The following KCNH5 variants were observed in gnomAD, a reference collection of about 807,000 sequenced individuals.
KCNH5 encodes the protein voltage-gated delayed rectifier potassium channel KCNH5.
In KCNH5, 46 loss-of-function variants were observed where a neutral mutation model predicts 96.1. The observed-to-expected ratio is 0.48, with a 90% CI of 0.38 to 0.61. The LOEUF is 0.61. Ranked by LOEUF, KCNH5 falls within the 20% of genes least tolerant of loss-of-function variation. The pLI is 0.00. For missense variants in KCNH5, 907 were observed against 1,225.8 expected (o/e 0.74, Z 3.88); for synonymous variants, 439 against 449.8 (o/e 0.98, Z 0.30).
intron 10 of KCNH5, among the ~76,000 whole-genome samples, chr14:62,777,840 T>G (rs918118519): frequency 7.4e-5 from 10 of 135,782 alleles, no homozygotes; most frequent in Non-Finnish European, 1.5e-4. Flanking sequence ...AACCAATGAA[T>G]GCATGTGTGT....
chr14:62,993,131 T>C (rs1334375020), intron 4 of KCNH5, among the ~76,000 whole-genome samples: 2 of 152,080 alleles, frequency 1.3e-5, no homozygotes, highest in African/African-American at 4.8e-5. Flanking sequence ...TGTAAATATG[T>C]GGCTTTATTT....
chr14:62,701,926 C>G lies in KCNH5; in HGVS notation c.*5582G>C, dbSNP rs868292239. On this transcript the variant is annotated 3_prime_UTR_variant, in exon 11 of 11. Transcript: ENST00000322893. ...ATTTAATAGTGGTTTGGCCAAGAAGCCAACATCAGTGCAATCAATAAAAAT... is the reference window on the plus strand; with the variant it reads ...ATTTAATAGTGGTTTGGCCAAGAAGGCAACATCAGTGCAATCAATAAAAAT... The G allele has an allele frequency of 2.0e-5, 3 of 151,964 alleles. No individual in the cohort carries two copies. The Middle Eastern group carries it at 0.01, about 520-fold the overall frequency. 9.4% of individuals were successfully genotyped at this position (151,964 alleles called of 1,614,324 possible). A position where few individuals can be genotyped will look rare whatever the true frequency, so the allele number is the denominator to read the frequency against.
chr14:62,771,199 G>A (rs377027174), intron 10 of KCNH5, among the ~76,000 whole-genome samples: 3 of 152,226 alleles, frequency 2.0e-5, no homozygotes, highest in South Asian at 2.1e-4. Flanking sequence ...ATAAATTTCC[G>A]TTGTTGAAAC....
intron 6 of KCNH5, among the ~76,000 whole-genome samples, chr14:62,975,656 G>A (rs559278508): frequency 6.6e-6 from 1 of 152,072 alleles, no homozygotes; most frequent in Admixed American, 6.5e-5. Flanking sequence ...AAATGTAAGA[G>A]TAATCGATTA....
At chr14:63,043,247 A>G (rs765175544) in intron 1 of KCNH5, among the ~76,000 whole-genome samples, 1 of 152,172 alleles carries the variant, frequency 6.6e-6, no homozygotes, top group Non-Finnish European at 1.5e-5. Context: ...AATAAAGTTT[A>G]GTCAAGGGAT....
intron 8 of KCNH5, among the ~76,000 whole-genome samples, chr14:62,812,518 C>T (rs1437674881): frequency 1.3e-5 from 2 of 152,024 alleles, no homozygotes; most frequent in African/African-American, 2.4e-5. Flanking sequence ...TGTTACTTTC[C>T]TTGGGTCCCT....
At chr14:63,034,425 G>A (rs1316602931) in intron 1 of KCNH5, among the ~76,000 whole-genome samples, 1 of 152,136 alleles carries the variant, frequency 6.6e-6, no homozygotes, top group Non-Finnish European at 1.5e-5. Context: ...CCATTTCTAT[G>A]TCAATGACAG....
In KCNH5 at chr14:62,899,501, T is replaced by A. The variant is rs11852195; in HGVS notation, c.1370-49649A>T. On this transcript the variant is annotated intron_variant, in intron 7 of 10. Transcript: ENST00000322893. ...TCATTCCATAATGTATACACTTCTA[T>A]CAAAACATGACTTTTTACCCCATAA... Among the ~76,000 whole-genome samples the A allele has an allele frequency of 7.6e-3, 1,160 of 152,188 alleles. 9 individuals are homozygous for A. The highest frequency in any genetic ancestry group is 0.027 in the African/African-American group (1,120 of 41,506).
chr14:62,972,770 A>G (rs915776840), intron 6 of KCNH5, among the ~76,000 whole-genome samples: 1 of 152,224 alleles, frequency 6.6e-6, no homozygotes, highest in African/African-American at 2.4e-5. Context: ...AAAGCTACAA[A>G]CTATCTGATT....
chr14:62,764,152 C>A (rs940163707), intron 10 of KCNH5, among the ~76,000 whole-genome samples: 1 of 152,150 alleles, frequency 6.6e-6, no homozygotes, highest in Admixed American at 6.5e-5. Context: ...CCAAAACCAG[C>A]AGCACATCAA....
chr14:62,946,294 C>G (rs1001415166), intron 7 of KCNH5, among the ~76,000 whole-genome samples: 2 of 152,062 alleles, frequency 1.3e-5, no homozygotes, highest in East Asian at 3.9e-4. Flanking sequence ...TTTGACTCTA[C>G]ATAGATTTTA....
chr14:62,895,932 T>C (rs1888804152), intron 7 of KCNH5, among the ~76,000 whole-genome samples: 1 of 152,158 alleles, frequency 6.6e-6, no homozygotes, highest in Non-Finnish European at 1.5e-5. Context: ...TTCATTTAGG[T>C]AAAAATTTAA....
intron 7 of KCNH5, among the ~76,000 whole-genome samples, chr14:62,922,985 A>G (rs1418522892): frequency 1.3e-5 from 2 of 152,050 alleles, no homozygotes; most frequent in East Asian, 3.9e-4. Context: ...GAAAGGAAAC[A>G]GTAAAAGTGT....
At position 62,740,004 on chromosome 14, in the gene KCNH5, G is replaced by C. The variant is rs543792706; in HGVS notation, c.2020-31549C>G. On this transcript the variant is annotated intron_variant, in intron 10 of 10. Transcript: ENST00000322893. ...TTAACATCTGAAGCAGCACTGTTAA[G>C]AATCTTTCCTCTCGACAGACAAACA... 5.3e-5 allele frequency among the ~76,000 whole-genome samples: 8 copies of C among 152,236 alleles called. No homozygotes were observed. The South Asian group carries it at 1.4e-3, about 28-fold the overall frequency.
At chr14:62,892,222 T>C (rs6573464) in intron 7 of KCNH5, among the ~76,000 whole-genome samples, 113,293 of 152,218 alleles carry the variant, frequency 0.74, 43,595 homozygotes, top group East Asian at 1. Context: ...TCTAAACACA[T>C]AAATAATGCG....
In KCNH5 at chr14:63,024,134, G is replaced by A. The variant is rs553054185; in HGVS notation, c.74-7180C>T. ...TGCGGCAGGAGAATCACTTGAACCC[G>A]GGAGGTAGAAGTTGCAGTGAACCGA... On this transcript the variant is annotated intron_variant, in intron 1 of 10. Transcript: ENST00000322893. Among the ~76,000 whole-genome samples, 13 of 151,946 alleles carry A rather than the reference G, an allele frequency of 8.6e-5. No homozygotes were observed. In the South Asian group the frequency reaches 1.9e-3, roughly 22 times the overall value.
intron 6 of KCNH5, among the ~76,000 whole-genome samples, chr14:62,973,059 C>A (rs1890438474): frequency 1.3e-5 from 2 of 152,110 alleles, no homozygotes; most frequent in South Asian, 2.1e-4. Flanking sequence ...ACAGATGTAC[C>A]ACTCTGGTGT....
At chr14:62,831,381 G>T (rs1043501202) in intron 8 of KCNH5, among the ~76,000 whole-genome samples, 10 of 152,164 alleles carry the variant, frequency 6.6e-5, no homozygotes, top group African/African-American at 2.4e-4. Context: ...TAAATTTAGA[G>T]AAAAGATTTC....
intron 8 of KCNH5, among the ~76,000 whole-genome samples, chr14:62,809,535 AT>A (rs1886832936): frequency 6.6e-6 from 1 of 152,096 alleles, no homozygotes; most frequent in Non-Finnish European, 1.5e-5. Flanking sequence ...AAGGAGAGGA[AT>A]TTACTCAACT....
Sources: allele counts gnomAD v4.1 joint callset (sites outside exome capture counted in the v4.1 genomes callset), GRCh38; gene constraint gnomAD v4.1.1; transcripts MANE v1.5; gene names NCBI Gene and HGNC (gene_info 2026-07-23, HGNC 2026-07-21).